Variants in TRIM28 observed in about 807,000 individuals in gnomAD.
TRIM28 encodes the protein transcription intermediary factor 1-beta.
A neutral mutation model predicts 87.4 loss-of-function variants in TRIM28; 8 were observed. That is an observed-to-expected ratio of 0.09 (90% confidence interval 0.05 to 0.17). The LOEUF (loss-of-function observed/expected upper bound fraction) is 0.17, where lower values mean the gene tolerates loss of function less well. Ranked by LOEUF, TRIM28 falls within the 10% of genes least tolerant of loss-of-function variation. The probability of loss-of-function intolerance (pLI) is 1.00; values close to 1 mark genes in which losing one functional copy is unlikely to be tolerated. For missense variants in TRIM28, 968 were observed against 1,131.8 expected (o/e 0.86, Z 2.08); for synonymous variants, 601 against 454.3 (o/e 1.32, Z -4.11).
chr19:58,548,633 T>C, intron 9 of TRIM28, 41 bp downstream of exon 9: 4 of 1,109,646 alleles, frequency 3.6e-6, no homozygotes, highest in Non-Finnish European at 3.5e-6. Context: ...GGGCAGGGAA[T>C]GGGGTCCAGT....
chr19:58,550,613 C>T lies in TRIM28; in HGVS notation c.*60C>T, dbSNP rs1471101128. ...TGTTCTCTGTCCTGTCACCCCATCC[C>T]CACTCCCCTGGTGGCCTGACTCCCA... is the stretch of plus-strand genomic sequence containing the variant. On this transcript the variant is annotated 3_prime_UTR_variant, in exon 17 of 17. Transcript: ENST00000253024. The T allele has an allele frequency of 6.5e-7, 1 of 1,539,406 alleles. No homozygotes were observed. The highest frequency in any genetic ancestry group is 8.8e-7 in the Non-Finnish European group (1 of 1,140,518).
At position 58,545,811 on chromosome 19, in the gene TRIM28, G is replaced by C. The variant is rs375400573; in HGVS notation, c.501G>C (p.Val167=). The C allele has an allele frequency of 6.2e-7, 1 of 1,612,186 alleles. No individual in the cohort carries two copies. The highest frequency in any genetic ancestry group is 1.1e-5 in the South Asian group (1 of 91,084). Residue 167 remains valine, a synonymous_variant, in exon 3 of 17, where the codon GTG becomes GTC. Transcript: ENST00000253024. ...EDNAPATSYC[V]ECSEPLCETC... ...ATGCCCCAGCCACCAGCTACTGTGT[G>C]GAGTGCTCGGAGCCTCTGTGTGAGA...
At position 58,549,413 on chromosome 19, in the gene TRIM28, C is replaced by A; in HGVS notation, c.1745C>A (p.Ala582Glu). ...ACCAAACCTGTGCTTATGGCTCTTG[C>A]GGAGGGTCCTGGTGCTGAGGGTCCC... ...PETKPVLMAL[A>E]EGPGAEGPRL... The change falls in exon 13 of 17, where the codon GCG becomes GAG. Residue 582 changes from alanine (A) to glutamate (E), a missense_variant. Physicochemically the swap from Ala to Glu is moderately radical, Grantham distance 107. Coordinates refer to ENST00000253024, the MANE Select transcript of TRIM28 (RefSeq NM_005762.3). The surrounding 1 kb of genome is among the most constrained non-coding windows in gnomAD (Gnocchi z 4.4). The A allele has an allele frequency of 1.9e-6, 3 of 1,598,096 alleles. No homozygotes were observed. Among genetic ancestry groups the A allele is most frequent in the South Asian group, 1.1e-5 (1 of 90,146 alleles).
At position 58,547,733 on chromosome 19, in the gene TRIM28, C is replaced by T. The variant is rs375529684; in HGVS notation, c.839+20C>T. ...CAGCTCGTAAGTGTGGGTTCTGGGGCTGTGGGGGTGGCCCAGGGCAGCAAG... is the reference window on the plus strand; with the variant it reads ...CAGCTCGTAAGTGTGGGTTCTGGGGTTGTGGGGGTGGCCCAGGGCAGCAAG... On this transcript the variant is annotated intron_variant, in intron 5 of 16. Coordinates refer to ENST00000253024, the MANE Select transcript of TRIM28 (RefSeq NM_005762.3). 1.5e-3 allele frequency: 2,485 copies of T among 1,613,900 alleles called. 46 individuals are homozygous for T. The South Asian group carries it at 0.026, about 17-fold the overall frequency.
At position 58,545,438 on chromosome 19, in the gene TRIM28, C is replaced by T. The variant is rs75494560; in HGVS notation, c.354C>T (p.Pro118=). The change falls in exon 2 of 17, where the codon CCC becomes CCT. Residue 118 remains proline (P), a synonymous_variant. Transcript: ENST00000253024. ...AAGDGTVVDC[P]VCKQQCFSKD... is the part of the protein sequence containing the mutation. ...TGCTTCTCGAAGTGGTGGACTGTCC[C>T]GTGTGCAAGCAACAGTGCTTCTCCA... 6.2e-4 allele frequency: 995 copies of T among 1,609,198 alleles called. 4 individuals carry two copies. In the African/African-American group the frequency reaches 0.012, roughly 19 times the overall value.
rs1600078362 is a variant in TRIM28 at position 58,544,196 on chromosome 19, A to G, written c.-562A>G. On this transcript the variant is annotated 5_prime_UTR_variant, in exon 1 of 17. Coordinates refer to ENST00000253024, the MANE Select transcript of TRIM28 (RefSeq NM_005762.3). ...GTCTGGAGGTGGAGCTGAGAGGGGA[A>G]TCACACTCTATAAAGGTTCGCATAC... is the stretch of plus-strand genomic sequence containing the variant. 6.6e-6 allele frequency: 1 copy of G among 152,324 alleles called. No homozygotes were observed. The highest frequency in any genetic ancestry group is 6.5e-5 in the Admixed American group (1 of 15,288). The allele number at this position is 152,324 out of a possible 1,614,324, so 9.4% of individuals were successfully genotyped here.
chr19:58,547,968 G>C, intron 6 of TRIM28, 62 bp downstream of exon 6: 2 of 1,613,214 alleles, frequency 1.2e-6, no homozygotes, highest in Non-Finnish European at 1.7e-6. Flanking sequence ...GATGCTGTCT[G>C]GGGTGAGGAG....
chr19:58,545,174 G>A, intron 1 of TRIM28, 77 bp downstream of exon 1: 1 of 1,295,180 alleles, frequency 7.7e-7, no homozygotes. Context: ...AGATGAGGAT[G>A]CCACCTGGGC....
In TRIM28 at chr19:58,544,728, C is replaced by T. The variant is rs1181993832; in HGVS notation, c.-30C>T. 45 of 993,810 alleles carry T rather than the reference C, an allele frequency of 4.5e-5. No homozygotes were observed. Among genetic ancestry groups the T allele is most frequent in the African/African-American group, 1.2e-4 (7 of 56,922 alleles). 61.6% of individuals were successfully genotyped at this position (993,810 alleles called of 1,614,324 possible). A position where few individuals can be genotyped will look rare whatever the true frequency, so the allele number is the denominator to read the frequency against. ...GCGCGGCGGGCCCCGCGCCCCTCCT[C>T]CCCCCCTGGGCGCCCCCGGCGGCGT... On this transcript the variant is annotated 5_prime_UTR_variant, in exon 1 of 17. Transcript: ENST00000253024.
At position 58,544,883 on chromosome 19, in the gene TRIM28, C is replaced by G; in HGVS notation, c.126C>G (p.Ala42=). The part of the protein sequence containing the change: ...RSTAPSAAAS[A]SASAAASSPA... ...CCGCCCCTTCGGCCGCAGCCTCGGC[C>G]TCTGCCTCAGCCGCGGCGTCGTCGC... is the stretch of plus-strand genomic sequence containing the variant. The change falls in exon 1 of 17, where the codon GCC becomes GCG. Residue 42 remains alanine (A), a synonymous_variant. Coordinates refer to ENST00000253024, the MANE Select transcript of TRIM28 (RefSeq NM_005762.3). 1 of 1,364,096 alleles carries G rather than the reference C, an allele frequency of 7.3e-7. No homozygotes were observed. The allele number at this position is 1,364,096 out of a possible 1,614,324, so 84.5% of individuals were successfully genotyped here.
chr19:58,548,827 C>T (rs377500207), intron 10 of TRIM28, 35 bp from the exon 11 acceptor site: 2 of 1,614,034 alleles, frequency 1.2e-6, no homozygotes, highest in Non-Finnish European at 8.5e-7. Flanking sequence ...CTGTTTCTAC[C>T]CCAACCTGCC....
intron 5 of TRIM28, 26 bp from the exon 6 acceptor site, chr19:58,547,766 C>G: frequency 1.2e-6 from 2 of 1,613,860 alleles, no homozygotes; most frequent in African/African-American, 1.3e-5. Context: ...AAGACCCTAC[C>G]TAGCCTGACC....
rs770191793 is a variant in TRIM28, at chr19:58,549,897, G to T, written c.2106+37G>T. 1.1e-5 allele frequency: 17 copies of T among 1,613,712 alleles called. No homozygotes were observed. Among genetic ancestry groups the T allele is most frequent in the Non-Finnish European group, 1.4e-5 (16 of 1,179,788 alleles). On this transcript the variant is annotated intron_variant, in intron 14 of 16. Coordinates refer to ENST00000253024, the MANE Select transcript of TRIM28 (RefSeq NM_005762.3). This position sits in a 1 kb window ranked among gnomAD's most constrained non-coding sequence, Gnocchi z 4.4. ...GGTTACTTAGGTGGGGTTGCCCAGA[G>T]AGGCTTTATAGGTGCTGCCCAGAGC... is the stretch of plus-strand genomic sequence containing the variant.
intron 10 of TRIM28, 31 bp downstream of exon 10, chr19:58,548,807 G>A: frequency 6.2e-7 from 1 of 1,614,064 alleles, no homozygotes; most frequent in Non-Finnish European, 8.5e-7. Context: ...GGTGGGGAAG[G>A]GCCCCAGTGC....
In TRIM28 at chr19:58,550,025, C is replaced by T. The variant is rs139895246; in HGVS notation, c.2183C>T (p.Thr728Ile). ...CTGCATCAGCTGGCTACCGACTCCA[C>T]CTTCTCCCTGGTGAGTCCTAGGATG... ...RPLHQLATDSTFSLDQPGGTL... is the reference protein window; with the variant it reads ...RPLHQLATDSIFSLDQPGGTL... Residue 728 changes from threonine (T) to isoleucine (I), a missense_variant, in exon 15 of 17, where the codon ACC becomes ATC. Coordinates refer to ENST00000253024, the MANE Select transcript of TRIM28 (RefSeq NM_005762.3). 1,729 of 1,614,120 alleles carry T rather than the reference C, an allele frequency of 1.1e-3. 5 individuals carry two copies. The highest frequency in any genetic ancestry group is 1.3e-3 in the South Asian group (117 of 91,072).
In TRIM28 at chr19:58,550,296, G is replaced by T; in HGVS notation, c.2331+12G>T. 6.2e-7 allele frequency: 1 copy of T among 1,614,092 alleles called. No individual in the cohort carries two copies. The highest frequency in any genetic ancestry group is 8.5e-7 in the Non-Finnish European group (1 of 1,179,956). ...ACAAGTTAACTGAGGTGAGCCAGTG[G>T]AATGGAGAGGCTGTGGGCAGGGGGA... On this transcript the variant is annotated intron_variant, in intron 16 of 16. Coordinates refer to ENST00000253024, the MANE Select transcript of TRIM28 (RefSeq NM_005762.3).
rs922097204 is a variant in TRIM28 at position 58,547,915 on chromosome 19, T to C, written c.954+9T>C. 3 of 1,614,006 alleles carry C rather than the reference T, an allele frequency of 1.9e-6. No individual in the cohort carries two copies. Among genetic ancestry groups the C allele is most frequent in the African/African-American group, 1.3e-5 (1 of 74,908 alleles). ...TGGTCAATGATGCCCAGGTAAGCCTTGTGCCGGTGAGAAGGGTCCCTGAGC... is the reference window on the plus strand; with the variant it reads ...TGGTCAATGATGCCCAGGTAAGCCTCGTGCCGGTGAGAAGGGTCCCTGAGC... On this transcript the variant is annotated intron_variant, in intron 6 of 16. Transcript: ENST00000253024.
Position 58,550,487 on chromosome 19 carries a change from G to T in TRIM28, c.2442G>T (p.Pro814=). 1.2e-6 allele frequency: 2 copies of T among 1,613,028 alleles called. No homozygotes were observed. The highest frequency in any genetic ancestry group is 8.5e-7 in the Non-Finnish European group (1 of 1,180,000). Residue 814 remains proline, a synonymous_variant, in exon 17 of 17, where the codon CCG becomes CCT. Transcript: ENST00000253024. ...CTGCTGTGCTGGTGGAGCCCCCGCC[G>T]ATGAGCCTGCCTGGTGCTGGCCTGA... ...KFSAVLVEPP[P]MSLPGAGLSS...
Position 58,548,195 on chromosome 19 carries a change from G to T in TRIM28, c.1101+15G>T. ...CTAAGAAGTTGGTGTGTACTGGTGG[G>T]CTCCTGGCTGGTGGGTTCCAGGCAG... On this transcript the variant is annotated intron_variant, in intron 7 of 16. Transcript: ENST00000253024. The T allele has an allele frequency of 1.2e-5, 20 of 1,613,678 alleles. No homozygotes were observed. Among genetic ancestry groups the T allele is most frequent in the Non-Finnish European group, 1.7e-5 (20 of 1,179,558 alleles).
Sources: allele counts gnomAD v4.1 joint callset, GRCh38; gene constraint gnomAD v4.1.1; non-coding constraint Gnocchi (gnomAD v3.1); transcripts MANE v1.5; gene names NCBI Gene and HGNC (gene_info 2026-07-23, HGNC 2026-07-21).